Variants in C1GALT1 observed in about 807,000 individuals in gnomAD.
C1GALT1 encodes the protein glycoprotein-N-acetylgalactosamine 3-beta-galactosyltransferase 1.
C1GALT1 carries 11 observed loss-of-function variants against 31.0 expected under a neutral mutation model. The observed-to-expected ratio is 0.36, with a 90% CI of 0.22 to 0.59. C1GALT1 has a LOEUF of 0.59. Among genes scored for constraint, C1GALT1 ranks in the 20% least tolerant of loss-of-function variants. The pLI is 0.79. For missense variants in C1GALT1, 424 were observed against 425.2 expected, an observed-to-expected ratio of 1.00 and a Z score of 0.03; for synonymous variants, 175 against 143.6, an observed-to-expected ratio of 1.22 and a Z score of -1.56.
intron 2 of C1GALT1, among the ~76,000 whole-genome samples, chr7:7,164,883 C>A (rs1200888177): frequency 1.3e-5 from 2 of 152,074 alleles, no homozygotes; most frequent in Admixed American, 1.3e-4. Context: ...AGGAACAGGG[C>A]AAACCATTAC....
intron 1 of C1GALT1, among the ~76,000 whole-genome samples, chr7:7,196,892 C>T (rs1169295143): frequency 6.6e-6 from 1 of 152,092 alleles, no homozygotes; most frequent in African/African-American, 2.4e-5. Context: ...ATATCCTTTT[C>T]CCACTTTTTG....
chr7:7,207,730 T>C (rs1470865050), intron 1 of C1GALT1, among the ~76,000 whole-genome samples: 1 of 151,944 alleles, frequency 6.6e-6, no homozygotes, highest in African/African-American at 2.4e-5. Context: ...AAATTTAATT[T>C]AATGTGGTAA....
At chr7:7,171,695 A>AT (rs1395667942) in intron 2 of C1GALT1, among the ~76,000 whole-genome samples, 1 of 151,044 alleles carries the variant, frequency 6.6e-6, no homozygotes, top group Admixed American at 6.6e-5. Context: ...TGTTTAGTTG[A>AT]TTTTTTTGTA....
intron 1 of C1GALT1, among the ~76,000 whole-genome samples, chr7:7,187,342 T>C (rs928609170): frequency 3.3e-5 from 5 of 151,908 alleles, no homozygotes; most frequent in Admixed American, 6.6e-5. Context: ...CTCTGCCTCC[T>C]GGGTTCACGC....
rs552602207 is a variant in C1GALT1, at chr7:7,247,792, T to C, written c.*4065T>C. 4 of 152,184 alleles carry C rather than the reference T, an allele frequency of 2.6e-5. No homozygotes were observed. In the South Asian group the frequency reaches 8.3e-4, roughly 32 times the overall value. 9.4% of individuals were successfully genotyped at this position (152,184 alleles called of 1,614,324 possible). On this transcript the variant is annotated 3_prime_UTR_variant, in exon 4 of 4. Transcript: ENST00000436587. ...ACTCTTAAATGCTGCCTTCACAAGG[T>C]TAATTTGGCTGTTAATAGTGATTAG... is the stretch of plus-strand genomic sequence containing the variant.
chr7:7,186,540 C>T (rs1013089818), intron 1 of C1GALT1, among the ~76,000 whole-genome samples: 7 of 152,188 alleles, frequency 4.6e-5, no homozygotes, highest in Admixed American at 2.0e-4. Context: ...GATGGAGACT[C>T]AGGTTTCAGA....
At chr7:7,223,117 T>C (rs1008361858) in intron 1 of C1GALT1, among the ~76,000 whole-genome samples, 10 of 152,234 alleles carry the variant, frequency 6.6e-5, no homozygotes, top group African/African-American at 2.4e-4. Context: ...TTTTTCTTTC[T>C]GGGATAATAA....
upstream of C1GALT1, among the ~76,000 whole-genome samples, chr7:7,180,720 G>GT (rs1310158394): frequency 6.6e-6 from 1 of 152,034 alleles, no homozygotes; most frequent in African/African-American, 2.4e-5. Flanking sequence ...AGCATGTATT[G>GT]TTTTTATAAA....
In C1GALT1 at chr7:7,186,900, C is replaced by A. The variant is rs1780839942; in HGVS notation, c.-18+4080C>A. 2.0e-5 allele frequency among the ~76,000 whole-genome samples: 3 copies of A among 152,084 alleles called. No individual in the cohort carries two copies. The South Asian group carries it at 6.2e-4, about 32-fold the overall frequency. ...AGTAGGATGCAGATTGTGGGTAGAT[C>A]CTTGTAAGGTTTTGGCTCTCTAAGA... On this transcript the variant is annotated intron_variant, in intron 1 of 3. Transcript: ENST00000436587.
intron 1 of C1GALT1, among the ~76,000 whole-genome samples, chr7:7,184,076 G>C (rs1033821074): frequency 5.3e-5 from 8 of 152,146 alleles, no homozygotes; most frequent in African/African-American, 1.9e-4. Flanking sequence ...CACCCTCTTA[G>C]GTAAATGGCA....
At chr7:7,241,449 G>A (rs908001627) in intron 3 of C1GALT1, among the ~76,000 whole-genome samples, 7 of 151,904 alleles carry the variant, frequency 4.6e-5, no homozygotes, top group South Asian at 2.1e-4. Context: ...ACTATTCTAA[G>A]GGCAAATTAA....
chr7:7,178,224 G>T, upstream of C1GALT1: 1 of 229,610 alleles, frequency 4.4e-6, no homozygotes, highest in South Asian at 7.8e-5. Context: ...CCCCTTGGTA[G>T]ACCTGAGAAA....
rs1783872496 is a variant in C1GALT1 at position 7,246,974 on chromosome 7, T to C, written c.*3247T>C. 1 of 152,182 alleles carries C rather than the reference T, an allele frequency of 6.6e-6. No homozygotes were observed. The highest frequency in any genetic ancestry group is 1.5e-5 in the Non-Finnish European group (1 of 68,016). 9.4% of individuals were successfully genotyped at this position (152,182 alleles called of 1,614,324 possible). A position where few individuals can be genotyped will look rare whatever the true frequency, so the allele number is the denominator to read the frequency against. ...TAACATCAGGGCCTACAATAAAATC[T>C]GTAATTCTCCAAGTTTAGTAATTTT... is the stretch of plus-strand genomic sequence containing the variant. On this transcript the variant is annotated 3_prime_UTR_variant, in exon 4 of 4. Coordinates refer to ENST00000436587, the MANE Select transcript of C1GALT1 (RefSeq NM_020156.5).
At chr7:7,234,659 T>G (rs944018484) in intron 2 of C1GALT1, 120 bp downstream of exon 2, 16 of 717,384 alleles carry the variant, frequency 2.2e-5, no homozygotes, top group Middle Eastern at 3.4e-4. Context: ...AAAATAATTC[T>G]TGGTTTGCCT....
intron 1 of C1GALT1, among the ~76,000 whole-genome samples, chr7:7,228,070 C>T (rs1305443875): frequency 6.6e-6 from 1 of 152,090 alleles, no homozygotes; most frequent in East Asian, 1.9e-4. Flanking sequence ...GAATACTAGT[C>T]CGTACTTTAT....
Position 7,238,599 on chromosome 7 carries a change from G to C in C1GALT1, c.565G>C (p.Glu189Gln), listed in dbSNP as rs372091362. 6.2e-7 allele frequency: 1 copy of C among 1,613,948 alleles called. No individual in the cohort carries two copies. Among genetic ancestry groups the C allele is most frequent in the African/African-American group, 1.3e-5 (1 of 74,922 alleles). Reference protein sequence around the residue: ...LRWLLSKYDPEEPIYFGRRFK... With the variant: ...LRWLLSKYDPQEPIYFGRRFK... ...GTGGCTTCTTTCAAAATACGACCCT[G>C]AAGAACCCATTTACTTTGGGAGAAG... Residue 189 changes from glutamate to glutamine, a missense_variant, in exon 3 of 4, where the codon GAA becomes CAA. Glu to Gln is a conservative substitution (Grantham distance 29, BLOSUM62 2). Around this residue, in one of 3 missense-constraint regions of C1GALT1, gnomAD observed 44 missense variants for 78.3 expected, o/e 0.56. Coordinates refer to ENST00000436587, the MANE Select transcript of C1GALT1 (RefSeq NM_020156.5). The surrounding 1 kb of genome is among the most constrained non-coding windows in gnomAD (Gnocchi z 5.2).
At chr7:7,227,205 C>CTAA (rs1376425538) in intron 1 of C1GALT1, among the ~76,000 whole-genome samples, 7 of 152,094 alleles carry the variant, frequency 4.6e-5, no homozygotes, top group Non-Finnish European at 8.8e-5. Flanking sequence ...AACGAGATGA[C>CTAA]TAATATAATT....
At chr7:7,190,450 A>G (rs1781018704) in intron 1 of C1GALT1, among the ~76,000 whole-genome samples, 1 of 152,154 alleles carries the variant, frequency 6.6e-6, no homozygotes, top group African/African-American at 2.4e-5. Context: ...CTCACTTTAT[A>G]AAATTTCAAA....
chr7:7,179,679 T>A (rs2128228086), upstream of C1GALT1, among the ~76,000 whole-genome samples: 1 of 152,284 alleles, frequency 6.6e-6, no homozygotes, highest in South Asian at 2.1e-4. Context: ...GATATAATCT[T>A]CCTCACCTAA....
Sources: allele counts gnomAD v4.1 joint callset (sites outside exome capture counted in the v4.1 genomes callset), GRCh38; gene constraint gnomAD v4.1.1; regional missense constraint gnomAD v4.1.1; non-coding constraint Gnocchi (gnomAD v3.1); transcripts MANE v1.5; gene names NCBI Gene and HGNC (gene_info 2026-07-23, HGNC 2026-07-21).